Variants in ACACA observed in about 807,000 individuals in gnomAD.
ACACA encodes acetyl-CoA carboxylase 1.
In ACACA, 103 loss-of-function variants were observed where a neutral mutation model predicts 296.1. That is an observed-to-expected ratio of 0.35 (90% CI 0.30 to 0.41). The LOEUF (loss-of-function observed/expected upper bound fraction) is 0.41, where lower values mean the gene tolerates loss of function less well. Among genes scored for constraint, ACACA ranks in the 10% least tolerant of loss-of-function variants. The pLI, the probability that ACACA is intolerant of heterozygous loss-of-function variation, is 1.00. For missense variants in ACACA, 1,554 were observed against 2,989.7 expected, an observed-to-expected ratio of 0.52 and a Z score of 11.20; for synonymous variants, 953 against 1,038.6, an observed-to-expected ratio of 0.92 and a Z score of 1.58.
intron 13 of ACACA, 64 bp from the exon 14 acceptor site, chr17:37,257,930 C>A: frequency 7.0e-6 from 11 of 1,581,866 alleles, no homozygotes; most frequent in Non-Finnish European, 9.5e-6. Flanking sequence ...TTTATATATT[C>A]ATTGTTTAAG....
chr17:37,122,868 A>T lies in ACACA; in HGVS notation c.6042-241T>A, dbSNP rs80098822. The T allele has an allele frequency of 3.2e-3, 1,915 of 589,524 alleles. 26 individuals carry two copies. Among genetic ancestry groups the T allele is most frequent in the African/African-American group, 0.032 (1,728 of 54,002 alleles). 36.5% of individuals were successfully genotyped at this position (589,524 alleles called of 1,614,324 possible). On this transcript the variant is annotated intron_variant, in intron 48 of 55. Transcript: ENST00000616317. ...TTCGGAAATGTCCCAACACAAGATAAATTCAAACCAAGGGCTGTTCTAGGG... is the reference window on the plus strand; with the variant it reads ...TTCGGAAATGTCCCAACACAAGATATATTCAAACCAAGGGCTGTTCTAGGG...
intron 22 of ACACA, among the ~76,000 whole-genome samples, chr17:37,242,317 A>T (rs905177692): frequency 9.2e-5 from 14 of 152,128 alleles, no homozygotes. Context: ...ATATCTGTTC[A>T]AGGTCAAGAT....
At chr17:37,371,764 G>A (rs1391754708) in intron 1 of ACACA, among the ~76,000 whole-genome samples, 1 of 152,024 alleles carries the variant, frequency 6.6e-6, no homozygotes, top group Non-Finnish European at 1.5e-5. Flanking sequence ...GCCAGGCGTG[G>A]TGATGGGCGC....
intron 3 of ACACA, among the ~76,000 whole-genome samples, chr17:37,311,795 C>G (rs1188605857): frequency 6.6e-6 from 1 of 151,162 alleles, no homozygotes; most frequent in Non-Finnish European, 1.5e-5. Flanking sequence ...TTGCTTGAAT[C>G]CAGGAGGTGG....
At chr17:37,119,589 A>AC (rs2074419338) in intron 50 of ACACA, among the ~76,000 whole-genome samples, 1 of 128,352 alleles carries the variant, frequency 7.8e-6, no homozygotes, top group Non-Finnish European at 1.7e-5. Flanking sequence ...TTTTCAACCA[A>AC]ACACACACAC....
chr17:37,390,175 T>C (rs781593227), intron 1 of ACACA, among the ~76,000 whole-genome samples: 19,414 of 44,542 alleles, frequency 0.44, 4,699 homozygotes, highest in East Asian at 0.83. Context: ...TATATATATA[T>C]ACACACACAC....
At chr17:37,146,596 T>A (rs1489727009) in intron 45 of ACACA, among the ~76,000 whole-genome samples, 1 of 149,792 alleles carries the variant, frequency 6.7e-6, no homozygotes, top group African/African-American at 2.5e-5. Flanking sequence ...AATAACAACC[T>A]CGTGGTTTAT....
At chr17:37,096,458 C>T (rs2072998183) in intron 54 of ACACA, among the ~76,000 whole-genome samples, 1 of 152,152 alleles carries the variant, frequency 6.6e-6, no homozygotes, top group Non-Finnish European at 1.5e-5. Context: ...CCCTGACTGC[C>T]CCCAAATCCA....
chr17:37,341,033 T>G (rs1004869196), intron 1 of ACACA, among the ~76,000 whole-genome samples: 4 of 152,106 alleles, frequency 2.6e-5, no homozygotes, highest in Non-Finnish European at 5.9e-5. Flanking sequence ...GAAAAGCCAA[T>G]GCACTCCAGC....
intron 42 of ACACA, chr17:37,161,483 A>G (rs1369563762): frequency 2.3e-6 from 1 of 436,084 alleles, no homozygotes; most frequent in Non-Finnish European, 4.1e-6. Context: ...TTAAATAAAG[A>G]TATATATTTT....
At chr17:37,294,545 T>C (rs909905717) in intron 3 of ACACA, among the ~76,000 whole-genome samples, 2 of 151,408 alleles carry the variant, frequency 1.3e-5, no homozygotes, top group Non-Finnish European at 2.9e-5. Context: ...GCTTGGGGGG[T>C]TTTCCTTTGT....
intron 45 of ACACA, among the ~76,000 whole-genome samples, chr17:37,145,533 C>G (rs2075773852): frequency 6.6e-6 from 1 of 152,186 alleles, no homozygotes; most frequent in South Asian, 2.1e-4. Context: ...ACGACCGGAC[C>G]ACCTTCTCTT....
At chr17:37,139,557 G>A (rs781716015) in intron 45 of ACACA, among the ~76,000 whole-genome samples, 19 of 152,078 alleles carry the variant, frequency 1.2e-4, no homozygotes, top group Non-Finnish European at 2.6e-4. Context: ...CAAATCTTAG[G>A]CCCAATGAGT....
chr17:37,360,907 T>C (rs2049379205), intron 1 of ACACA, among the ~76,000 whole-genome samples: 1 of 152,182 alleles, frequency 6.6e-6, no homozygotes. Flanking sequence ...GCCTTGCCTT[T>C]CCATAACAGC....
intron 24 of ACACA, among the ~76,000 whole-genome samples, chr17:37,240,133 G>C (rs900598745): frequency 5.3e-5 from 8 of 152,130 alleles, no homozygotes; most frequent in African/African-American, 9.7e-5. Context: ...TTCAGATATG[G>C]GTTTCTCAAT....
intron 1 of ACACA, among the ~76,000 whole-genome samples, chr17:37,401,176 T>A (rs1333196116): frequency 6.6e-6 from 1 of 151,968 alleles, no homozygotes; most frequent in Middle Eastern, 3.4e-3. Context: ...GCTATTTGCA[T>A]GTCTTTTTCT....
chr17:37,178,776 G>C (rs2077211840), intron 41 of ACACA, among the ~76,000 whole-genome samples: 1 of 152,122 alleles, frequency 6.6e-6, no homozygotes, highest in Non-Finnish European at 1.5e-5. Flanking sequence ...ACTCCAGCCT[G>C]TGTGACAGAG....
At chr17:37,332,019 T>C (rs2047907746) in intron 2 of ACACA, among the ~76,000 whole-genome samples, 1 of 151,598 alleles carries the variant, frequency 6.6e-6, no homozygotes, top group Non-Finnish European at 1.5e-5. Flanking sequence ...GAGAAGAAAA[T>C]GAATCTATCA....
chr17:37,306,244 G>C (rs2146950505), intron 3 of ACACA, among the ~76,000 whole-genome samples: 1 of 152,086 alleles, frequency 6.6e-6, no homozygotes, highest in East Asian at 1.9e-4. Flanking sequence ...TCAAATTATT[G>C]TATGCCTTTT....
Sources: gnomAD v4.1 joint callset for allele counts (sites outside exome capture counted in the v4.1 genomes callset) on GRCh38, gnomAD v4.1.1 for gene constraint, MANE v1.5 for transcripts, NCBI Gene and HGNC (gene_info 2026-07-23, HGNC 2026-07-21) for gene names.